CAMTA1: variants seen among roughly 807,000 people sequenced by gnomAD.
CAMTA1 encodes the protein calmodulin-binding transcription activator 1.
A neutral mutation model predicts 170.9 loss-of-function variants in CAMTA1; 27 were observed. The observed-to-expected ratio is 0.16, with a 90% CI of 0.12 to 0.22. The LOEUF (loss-of-function observed/expected upper bound fraction) is 0.22. CAMTA1 is among the 10% of genes least tolerant of loss of function. The probability of loss-of-function intolerance (pLI) is 1.00; values close to 1 mark genes in which losing one functional copy is unlikely to be tolerated. For missense variants in CAMTA1, 1,619 were observed against 2,217.2 expected (o/e 0.73, Z 5.42); for synonymous variants, 833 against 891.5 (o/e 0.93, Z 1.17).
At chr1:7,254,978 T>C (rs1667146422) in intron 5 of CAMTA1, among the ~76,000 whole-genome samples, 1 of 152,216 alleles carries the variant, frequency 6.6e-6, no homozygotes, top group Non-Finnish European at 1.5e-5. Flanking sequence ...AGGGAGGCGC[T>C]GCGTGTTTCA....
At position 6,823,734 on chromosome 1, in the gene CAMTA1, T is replaced by C. The variant is rs185288457; in HGVS notation, c.116-1358T>C. ...TGACCTTAGAAAATATTTTTTGTTCTTTGATGTTTTTCATCTGTTCAAAAA... is the reference window on the plus strand; with the variant it reads ...TGACCTTAGAAAATATTTTTTGTTCCTTGATGTTTTTCATCTGTTCAAAAA... On this transcript the variant is annotated intron_variant, in intron 2 of 22. Transcript: ENST00000303635. 4.6e-5 allele frequency among the ~76,000 whole-genome samples: 7 copies of C among 152,332 alleles called. No homozygotes were observed. In the East Asian group the frequency reaches 1.3e-3, roughly 29 times the overall value.
chr1:7,198,500 C>T (rs996166054), intron 4 of CAMTA1, among the ~76,000 whole-genome samples: 5 of 151,990 alleles, frequency 3.3e-5, no homozygotes, highest in Admixed American at 3.3e-4. Context: ...GGAATGTGTC[C>T]CTTCCATGTC....
chr1:7,192,027 G>T (rs572160133), intron 4 of CAMTA1, among the ~76,000 whole-genome samples: 1 of 148,326 alleles, frequency 6.7e-6, no homozygotes, highest in Admixed American at 6.6e-5. Context: ...GCTTGTTGGG[G>T]GCTGGGACTG....
At chr1:7,169,984 A>G (rs1231439878) in intron 4 of CAMTA1, among the ~76,000 whole-genome samples, 1 of 151,812 alleles carries the variant, frequency 6.6e-6, no homozygotes, top group East Asian at 1.9e-4. Context: ...CCAACTTTTG[A>G]CTTTGCTGTT....
At chr1:7,150,651 G>A (rs1197486476) in intron 4 of CAMTA1, among the ~76,000 whole-genome samples, 2 of 151,992 alleles carry the variant, frequency 1.3e-5, no homozygotes, top group African/African-American at 2.4e-5. Flanking sequence ...ACCCCTCACC[G>A]AGAACCACTG....
intron 5 of CAMTA1, among the ~76,000 whole-genome samples, chr1:7,269,852 G>A (rs1245457204): frequency 5.3e-5 from 8 of 152,234 alleles, no homozygotes; most frequent in Admixed American, 5.2e-4. Context: ...AAACTAAAGA[G>A]TCACAGATCC....
At position 7,333,265 on chromosome 1, in the gene CAMTA1, C is replaced by A. The variant is rs1008361536; in HGVS notation, c.438+83639C>A. On this transcript the variant is annotated intron_variant, in intron 5 of 22. Coordinates refer to ENST00000303635, the MANE Select transcript of CAMTA1 (RefSeq NM_015215.4). The surrounding 1 kb of genome is among the most constrained non-coding windows in gnomAD (Gnocchi z 4.4). Reference sequence around the variant, plus strand: ...CTCAGGTGATTATGAGCTTCCCTGTCGAGGTTGGGCTCTGCAAGCTTTGGC... The same window carrying A: ...CTCAGGTGATTATGAGCTTCCCTGTAGAGGTTGGGCTCTGCAAGCTTTGGC... Among the ~76,000 whole-genome samples, 1 of 152,276 alleles carries A rather than the reference C, an allele frequency of 6.6e-6. No individual in the cohort carries two copies.
intron 6 of CAMTA1, among the ~76,000 whole-genome samples, chr1:7,599,296 G>A (rs572464097): frequency 2.6e-5 from 4 of 152,210 alleles, no homozygotes; most frequent in East Asian, 1.9e-4. Context: ...TCCATTGGTC[G>A]ACATCTCTGT....
intron 5 of CAMTA1, among the ~76,000 whole-genome samples, chr1:7,459,214 G>A (rs1313928490): frequency 1.3e-5 from 2 of 152,164 alleles, no homozygotes; most frequent in African/African-American, 2.4e-5. Context: ...GTTCCTAGCC[G>A]GGTGACCTTA....
chr1:7,064,947 A>G lies in CAMTA1; in HGVS notation c.235-26357A>G, dbSNP rs1708775007. Among the ~76,000 whole-genome samples the G allele has an allele frequency of 6.6e-6, 1 of 152,170 alleles. No homozygotes were observed. Among genetic ancestry groups the G allele is most frequent in the African/African-American group, 2.4e-5 (1 of 41,428 alleles). ...AGGACAGCTTGGGGATGTCCCTCAG[A>G]GTTAGAACCAACAGAGTTTGTAGGT... On this transcript the variant is annotated intron_variant, in intron 3 of 22. Transcript: ENST00000303635. The surrounding 1 kb of genome is among the most constrained non-coding windows in gnomAD (Gnocchi z 5.4).
chr1:7,573,186 GC>G, intron 6 of CAMTA1, among the ~76,000 whole-genome samples: 1 of 152,274 alleles, frequency 6.6e-6, no homozygotes, highest in South Asian at 2.1e-4. Flanking sequence ...GAAAAACCTG[GC>G]AAAGCACCCT....
chr1:7,421,268 T>A (rs1364164108), intron 5 of CAMTA1, among the ~76,000 whole-genome samples: 2 of 151,886 alleles, frequency 1.3e-5, no homozygotes, highest in African/African-American at 4.8e-5. Flanking sequence ...TTCTCCTGCC[T>A]CAGCCTCCCG....
intron 3 of CAMTA1, among the ~76,000 whole-genome samples, chr1:6,903,255 T>G (rs1677532628): frequency 6.6e-6 from 1 of 152,170 alleles, no homozygotes; most frequent in African/African-American, 2.4e-5. Context: ...GGGAGGGGAA[T>G]TAACCGGAAA....
intron 2 of CAMTA1, among the ~76,000 whole-genome samples, chr1:6,822,232 TGTTTA>T (rs1188221025): frequency 2.0e-5 from 3 of 152,180 alleles, no homozygotes; most frequent in Admixed American, 6.5e-5. Context: ...CTGGTGCATG[TGTTTA>T]GTTATTTTAT....
chr1:7,455,244 G>T lies in CAMTA1; in HGVS notation c.439-12586G>T, dbSNP rs2092923076. ...CGGCTCGGCATGGTTCTGCGTGTGT[G>T]TTTCCGACACTGGCTCCCAGGTGGA... On this transcript the variant is annotated intron_variant, in intron 5 of 22. Transcript: ENST00000303635. This position sits in a 1 kb window ranked among gnomAD's most constrained non-coding sequence, Gnocchi z 5.0. Among the ~76,000 whole-genome samples the T allele has an allele frequency of 6.6e-6, 1 of 152,214 alleles. No individual in the cohort carries two copies. The highest frequency in any genetic ancestry group is 2.1e-4 in the South Asian group (1 of 4,828).
intron 5 of CAMTA1, among the ~76,000 whole-genome samples, chr1:7,275,458 C>T (rs1357133305): frequency 1.3e-5 from 2 of 151,708 alleles, no homozygotes; most frequent in Non-Finnish European, 2.9e-5. Flanking sequence ...CAATAGAAAA[C>T]ATTAATAAAA....
chr1:7,723,592 T>C (rs983106482), intron 11 of CAMTA1, among the ~76,000 whole-genome samples: 10 of 152,186 alleles, frequency 6.6e-5, no homozygotes, highest in Non-Finnish European at 1.5e-4. Context: ...AGAAAAATTG[T>C]AACTTCACAG....
Position 7,557,917 on chromosome 1 carries a change from G to A in CAMTA1, c.511-82483G>A, listed in dbSNP as rs184034489. ...ACTGTCTGGGGCTGCAGTGGACAGC[G>A]GGGTGGGGGCAAGTCTGGTCTGTGC... On this transcript the variant is annotated intron_variant, in intron 6 of 22. Transcript: ENST00000303635. Among the ~76,000 whole-genome samples the A allele has an allele frequency of 7.2e-5, 11 of 152,330 alleles. No individual in the cohort carries two copies. In the East Asian group the frequency reaches 7.7e-4, roughly 11 times the overall value.
intron 4 of CAMTA1, among the ~76,000 whole-genome samples, chr1:7,135,497 C>T (rs941055730): frequency 1.3e-5 from 2 of 152,164 alleles, no homozygotes; most frequent in Non-Finnish European, 2.9e-5. Context: ...AGTTCAGCCC[C>T]TGTGGAAAGC....
Sources: gnomAD v4.1 joint callset for allele counts (sites outside exome capture counted in the v4.1 genomes callset) on GRCh38, gnomAD v4.1.1 for gene constraint, Gnocchi (gnomAD v3.1) non-coding constraint, MANE v1.5 for transcripts, NCBI Gene and HGNC (gene_info 2026-07-23, HGNC 2026-07-21) for gene names.